KLF12: variants seen among roughly 807,000 people sequenced by gnomAD.
KLF12 encodes the protein Krueppel-like factor 12.
Under a neutral mutation model 37.8 loss-of-function variants are expected in KLF12, and 9 were observed. The observed-to-expected ratio is 0.24, with a 90% CI of 0.14 to 0.42. The LOEUF (loss-of-function observed/expected upper bound fraction) is 0.42. KLF12 is among the 10% of genes least tolerant of loss of function. The pLI is 1.00. For missense variants in KLF12, 411 were observed against 516.0 expected, an observed-to-expected ratio of 0.80 and a Z score of 1.97; for synonymous variants, 208 against 202.1, an observed-to-expected ratio of 1.03 and a Z score of -0.25.
chr13:73,849,049 T>A (rs542163716), intron 3 of KLF12, among the ~76,000 whole-genome samples: 33 of 152,276 alleles, frequency 2.2e-4, no homozygotes, highest in African/African-American at 7.7e-4. Context: ...CATCCATAAT[T>A]GCAGCTTCAG....
At chr13:73,758,079 G>C (rs1464752549) in intron 6 of KLF12, among the ~76,000 whole-genome samples, 1 of 149,634 alleles carries the variant, frequency 6.7e-6, no homozygotes, top group Non-Finnish European at 1.5e-5. Context: ...CTTTTTTTTA[G>C]AGACAGGGGT....
chr13:73,748,594 C>A (rs1224430359), intron 6 of KLF12, among the ~76,000 whole-genome samples: 1 of 152,176 alleles, frequency 6.6e-6, no homozygotes, highest in Non-Finnish European at 1.5e-5. Context: ...GGAACTGAAT[C>A]ACCAGATGGC....
At chr13:73,982,559 A>G (rs2138188067) in intron 2 of KLF12, among the ~76,000 whole-genome samples, 1 of 152,382 alleles carries the variant, frequency 6.6e-6, no homozygotes, top group South Asian at 2.1e-4. Context: ...AATAAAAAAG[A>G]AATCTTGTTG....
intron 4 of KLF12, among the ~76,000 whole-genome samples, chr13:73,824,937 C>T (rs1240943926): frequency 4.6e-5 from 7 of 152,048 alleles, no homozygotes; most frequent in South Asian, 2.1e-4. Flanking sequence ...GGCGTGGTGG[C>T]GTGCACTTGT....
chr13:74,286,265 C>G, the KLF12 span, among the ~76,000 whole-genome samples: 1 of 152,074 alleles, frequency 6.6e-6, no homozygotes, highest in African/African-American at 2.4e-5. Context: ...ACGAAAAGTA[C>G]AGATAAAAGT....
At chr13:73,698,818 TAA>T (rs1442665869) in intron 7 of KLF12, among the ~76,000 whole-genome samples, 2 of 152,162 alleles carry the variant, frequency 1.3e-5, no homozygotes, top group African/African-American at 4.8e-5. Context: ...CTGATTTTTA[TAA>T]GAGATGGCCA....
chr13:73,892,388 T>A (rs1318870255), intron 3 of KLF12, among the ~76,000 whole-genome samples: 1 of 152,126 alleles, frequency 6.6e-6, no homozygotes. Flanking sequence ...AAAAGAACTT[T>A]TAGTAAAGAT....
At chr13:74,207,332 G>A in the KLF12 span, among the ~76,000 whole-genome samples, 3 of 152,182 alleles carry the variant, frequency 2.0e-5, no homozygotes, top group African/African-American at 7.2e-5. Flanking sequence ...ACAATACAAA[G>A]TATGGGATGG....
chr13:74,019,625 TAGATTA>T (rs1892789128), intron 1 of KLF12, among the ~76,000 whole-genome samples: 1 of 152,230 alleles, frequency 6.6e-6, no homozygotes, highest in Non-Finnish European at 1.5e-5. Context: ...CTCTTGTAAT[TAGATTA>T]AAATACAATT....
At chr13:73,944,955 A>G (rs1890353402) in intron 2 of KLF12, among the ~76,000 whole-genome samples, 3 of 152,200 alleles carry the variant, frequency 2.0e-5, no homozygotes, top group Non-Finnish European at 2.9e-5. Context: ...TATTGACTCA[A>G]CTACAAATCT....
At chr13:74,270,520 T>C in the KLF12 span, among the ~76,000 whole-genome samples, 1 of 152,242 alleles carries the variant, frequency 6.6e-6, no homozygotes. Context: ...GCATGAAGCA[T>C]ACTGAGGACA....
intron 2 of KLF12, among the ~76,000 whole-genome samples, chr13:73,983,044 T>C (rs1267122901): frequency 2.6e-5 from 4 of 152,194 alleles, no homozygotes; most frequent in African/African-American, 4.8e-5. Flanking sequence ...TTCATCCTCT[T>C]GTTCAAATAT....
At chr13:74,254,370 T>C in the KLF12 span, among the ~76,000 whole-genome samples, 1 of 152,220 alleles carries the variant, frequency 6.6e-6, no homozygotes, top group Non-Finnish European at 1.5e-5. Context: ...TACATGATCA[T>C]TGTTATAAGG....
the KLF12 span, among the ~76,000 whole-genome samples, chr13:74,245,292 T>C: frequency 5.0e-5 from 7 of 139,782 alleles, no homozygotes; most frequent in Non-Finnish European, 1.1e-4. Flanking sequence ...GGGAGATAAG[T>C]TTATCTATCT....
chr13:73,939,819 T>C (rs1487101103), intron 3 of KLF12, among the ~76,000 whole-genome samples: 1 of 152,144 alleles, frequency 6.6e-6, no homozygotes, highest in Non-Finnish European at 1.5e-5. Flanking sequence ...CTTTCTCACT[T>C]TGAAGTCTGT....
intron 2 of KLF12, among the ~76,000 whole-genome samples, chr13:73,983,831 TC>T (rs1297296264): frequency 2.0e-5 from 3 of 151,974 alleles, no homozygotes. Context: ...AGTAACTGAG[TC>T]AAGTACCATA....
intron 2 of KLF12, among the ~76,000 whole-genome samples, chr13:73,950,916 G>A (rs893150329): frequency 6.6e-6 from 1 of 152,188 alleles, no homozygotes; most frequent in African/African-American, 2.4e-5. Context: ...ACAGTCCAGA[G>A]CTAGGAAACA....
At chr13:73,909,195 G>C (rs73524873) in intron 3 of KLF12, among the ~76,000 whole-genome samples, 1 of 152,032 alleles carries the variant, frequency 6.6e-6, no homozygotes, top group Non-Finnish European at 1.5e-5. Context: ...CCCAGCCCAA[G>C]GTATCCAAAG....
At chr13:74,033,575 ATTAC>A (rs1194904934) in intron 1 of KLF12, among the ~76,000 whole-genome samples, 1 of 152,188 alleles carries the variant, frequency 6.6e-6, no homozygotes, top group Non-Finnish European at 1.5e-5. Context: ...TACTTCCTAG[ATTAC>A]TTAATATTTC....
Sources: allele counts gnomAD v4.1 joint callset (sites outside exome capture counted in the v4.1 genomes callset), GRCh38; gene constraint gnomAD v4.1.1; transcripts MANE v1.5; gene names NCBI Gene and HGNC (gene_info 2026-07-23, HGNC 2026-07-21).